Variants in SPOCK1 observed in about 807,000 individuals in gnomAD.
The protein encoded by SPOCK1 is testican-1.
Under a neutral mutation model 55.3 loss-of-function variants are expected in SPOCK1, and 23 were observed. That is an observed-to-expected ratio of 0.42 (90% CI 0.30 to 0.59). SPOCK1 has a LOEUF of 0.59. SPOCK1 is among the 20% of genes least tolerant of loss of function. SPOCK1 has a pLI of 0.22. For synonymous variants in SPOCK1, 226 were observed against 221.0 expected (o/e 1.02, Z -0.20); for missense variants, 499 against 552.5 (o/e 0.90, Z 0.97).
intron 6 of SPOCK1, among the ~76,000 whole-genome samples, chr5:137,043,689 A>G (rs1212016673): frequency 2.6e-5 from 4 of 152,202 alleles, no homozygotes; most frequent in Non-Finnish European, 4.4e-5. Context: ...TCATTAGACC[A>G]ACATGGAACA....
intron 2 of SPOCK1, among the ~76,000 whole-genome samples, chr5:137,356,927 C>A (rs1172860163): frequency 4.1e-5 from 6 of 144,950 alleles, no homozygotes; most frequent in Non-Finnish European, 9.0e-5. Flanking sequence ...CTCTCCCAGC[C>A]CCAGATCCTA....
chr5:137,248,068 A>T (rs577875771), intron 3 of SPOCK1, among the ~76,000 whole-genome samples: 2 of 152,302 alleles, frequency 1.3e-5, no homozygotes, highest in Admixed American at 1.3e-4. Context: ...GCTTTGGGTT[A>T]ACTGTTCTTA....
chr5:137,223,971 T>G (rs575689653), intron 3 of SPOCK1, among the ~76,000 whole-genome samples: 3 of 152,330 alleles, frequency 2.0e-5, no homozygotes, highest in South Asian at 4.1e-4. Flanking sequence ...AAGAGTCATT[T>G]CTTGAAGTTT....
At chr5:137,278,855 T>G (rs964476449) in intron 2 of SPOCK1, among the ~76,000 whole-genome samples, 4 of 152,104 alleles carry the variant, frequency 2.6e-5, no homozygotes, top group Non-Finnish European at 4.4e-5. Flanking sequence ...AGAATTGTCT[T>G]TAGAACAAGA....
At chr5:137,065,421 G>A (rs2127005123) in intron 6 of SPOCK1, among the ~76,000 whole-genome samples, 1 of 152,186 alleles carries the variant, frequency 6.6e-6, no homozygotes, top group East Asian at 1.9e-4. Flanking sequence ...CTTTAACAAT[G>A]AAGGACAGTC....
intron 2 of SPOCK1, among the ~76,000 whole-genome samples, chr5:137,330,944 T>C (rs534781836): frequency 6.6e-6 from 1 of 152,262 alleles, no homozygotes; most frequent in South Asian, 2.1e-4. Context: ...CTGCAAGGTA[T>C]GTATTTGTAC....
rs144364134 is a variant in SPOCK1, at chr5:137,211,661, T to G, written c.232+55349A>C. ...GTCACCAGAAAGACCAAGGAATGAA[T>G]AGAGGGTTGGGACTTTCAGTCCCAC... On this transcript the variant is annotated intron_variant, in intron 3 of 10. Coordinates refer to ENST00000394945, the MANE Select transcript of SPOCK1 (RefSeq NM_004598.4). 3.6e-3 allele frequency among the ~76,000 whole-genome samples: 541 copies of G among 152,126 alleles called. 5 individuals carry two copies. Among genetic ancestry groups the G allele is most frequent in the African/African-American group, 0.012 (496 of 41,486 alleles).
chr5:137,315,559 C>G (rs1003706844), intron 2 of SPOCK1, among the ~76,000 whole-genome samples: 1 of 151,934 alleles, frequency 6.6e-6, no homozygotes, highest in African/African-American at 2.4e-5. Context: ...GACCTCCATG[C>G]CAGGACATGC....
At chr5:137,218,485 T>C (rs937832132) in intron 3 of SPOCK1, among the ~76,000 whole-genome samples, 8 of 152,232 alleles carry the variant, frequency 5.3e-5, no homozygotes, top group African/African-American at 1.7e-4. Flanking sequence ...GAACAATTTG[T>C]AAAGCTGAGA....
intron 3 of SPOCK1, among the ~76,000 whole-genome samples, chr5:137,146,362 G>A (rs909063274): frequency 1.3e-5 from 2 of 152,112 alleles, no homozygotes; most frequent in African/African-American, 4.8e-5. Context: ...GGCCCACTCT[G>A]GTGAGTTCCA....
chr5:137,233,713 C>CTTTTTTTTTTTTTT (rs56328555), intron 3 of SPOCK1, among the ~76,000 whole-genome samples: 71 of 58,412 alleles, frequency 1.2e-3, no homozygotes, highest in African/African-American at 1.9e-3. Flanking sequence ...AGGATATGCA[C>CTTTTTTTTTTTTTT]TTTTTTTTTT....
chr5:137,239,813 G>C (rs1387483517), intron 3 of SPOCK1, among the ~76,000 whole-genome samples: 1 of 152,030 alleles, frequency 6.6e-6, no homozygotes, highest in African/African-American at 2.4e-5. Context: ...ATTGAATAAG[G>C]GAAACTAGGA....
chr5:137,150,309 G>A (rs978699623), intron 3 of SPOCK1, among the ~76,000 whole-genome samples: 4 of 152,140 alleles, frequency 2.6e-5, no homozygotes, highest in Non-Finnish European at 5.9e-5. Flanking sequence ...TAGTAGAGCT[G>A]TACTCTGCCT....
intron 4 of SPOCK1, among the ~76,000 whole-genome samples, chr5:137,136,374 A>G (rs887727672): frequency 3.3e-5 from 5 of 152,178 alleles, no homozygotes; most frequent in African/African-American, 4.8e-5. Context: ...CCCTTCACCC[A>G]GATGATGGAG....
intron 3 of SPOCK1, among the ~76,000 whole-genome samples, chr5:137,180,739 T>C (rs1406910017): frequency 6.6e-6 from 1 of 152,150 alleles, no homozygotes; most frequent in East Asian, 1.9e-4. Context: ...GAGGCCTCAT[T>C]TCCCCTCTTC....
chr5:137,130,064 T>C (rs1252555027), intron 4 of SPOCK1, among the ~76,000 whole-genome samples: 1 of 152,190 alleles, frequency 6.6e-6, no homozygotes, highest in Non-Finnish European at 1.5e-5. Context: ...GGTCCAGGAA[T>C]GAGTGAAGAC....
chr5:137,497,130 A>C (rs1754315883), intron 2 of SPOCK1, among the ~76,000 whole-genome samples: 1 of 152,214 alleles, frequency 6.6e-6, no homozygotes. Context: ...CTCTCCCTGC[A>C]AGGCCTGCAG....
At chr5:137,418,130 G>T (rs1402365587) in intron 2 of SPOCK1, among the ~76,000 whole-genome samples, 5 of 152,142 alleles carry the variant, frequency 3.3e-5, no homozygotes, top group Non-Finnish European at 7.4e-5. Context: ...CAAAGGACAT[G>T]AACTCATCAT....
At chr5:137,093,207 T>C (rs1259379806) in intron 5 of SPOCK1, among the ~76,000 whole-genome samples, 3 of 152,228 alleles carry the variant, frequency 2.0e-5, no homozygotes, top group Non-Finnish European at 4.4e-5. Context: ...TCAGGATTTC[T>C]GTATTAACCA....
Sources: gnomAD v4.1 joint callset for allele counts (sites outside exome capture counted in the v4.1 genomes callset) on GRCh38, gnomAD v4.1.1 for gene constraint, MANE v1.5 for transcripts, NCBI Gene and HGNC (gene_info 2026-07-23, HGNC 2026-07-21) for gene names.